CEP112: variants seen among roughly 807,000 people sequenced by gnomAD.
The protein encoded by CEP112 is centrosomal protein 112, also known as centrosomal protein of 112 kDa.
Under a neutral mutation model 153.0 loss-of-function variants are expected in CEP112, and 127 were observed. That is an observed-to-expected ratio of 0.83 (90% confidence interval 0.72 to 0.96). The LOEUF (loss-of-function observed/expected upper bound fraction) is 0.96, where lower values mean the gene tolerates loss of function less well. Among genes scored for constraint, CEP112 ranks in the 40% least tolerant of loss-of-function variants. The pLI is 0.00. For synonymous variants in CEP112, 358 were observed against 374.4 expected (o/e 0.96, Z 0.51); for missense variants, 1,089 against 1,101.2 (o/e 0.99, Z 0.16).
At chr17:65,801,126 T>C (rs2055247383) in intron 21 of CEP112, among the ~76,000 whole-genome samples, 1 of 152,140 alleles carries the variant, frequency 6.6e-6, no homozygotes, top group Non-Finnish European at 1.5e-5. Context: ...AGTGCGCTGG[T>C]GCACTCACTG....
At chr17:65,938,942 G>T (rs971069921) in intron 18 of CEP112, among the ~76,000 whole-genome samples, 1 of 152,050 alleles carries the variant, frequency 6.6e-6, no homozygotes, top group Admixed American at 6.5e-5. Flanking sequence ...CTCCTGAGTA[G>T]CTGGGATTAC....
intron 20 of CEP112, among the ~76,000 whole-genome samples, chr17:65,857,931 GGAT>G (rs1194263194): frequency 6.6e-6 from 1 of 152,168 alleles, no homozygotes; most frequent in African/African-American, 2.4e-5. Context: ...GATGGTTATA[GGAT>G]GATTCACATT....
intron 20 of CEP112, among the ~76,000 whole-genome samples, chr17:65,853,408 C>T (rs2058030005): frequency 6.6e-6 from 1 of 152,224 alleles, no homozygotes; most frequent in Non-Finnish European, 1.5e-5. Flanking sequence ...TCCAGCATCA[C>T]CTAATTTTAA....
intron 17 of CEP112, among the ~76,000 whole-genome samples, chr17:65,989,554 T>C (rs1596326): frequency 0.58 from 88,684 of 151,610 alleles, 27,324 homozygotes; most frequent in African/African-American, 0.72. Context: ...ATAAAGTCTT[T>C]CCCTGACAAA....
At chr17:66,181,811 A>G (rs1219164157) in intron 2 of CEP112, among the ~76,000 whole-genome samples, 1 of 152,250 alleles carries the variant, frequency 6.6e-6, no homozygotes, top group African/African-American at 2.4e-5. Flanking sequence ...ATATAAAAAT[A>G]TCATTAGATA....
chr17:66,188,584 G>GTTT (rs56059206), intron 1 of CEP112, among the ~76,000 whole-genome samples: 9 of 147,970 alleles, frequency 6.1e-5, no homozygotes, highest in African/African-American at 1.5e-4. Flanking sequence ...TTATCATGCT[G>GTTT]TTTTTTTTTT....
At chr17:66,181,347 A>C (rs2072711995) in intron 2 of CEP112, among the ~76,000 whole-genome samples, 1 of 152,002 alleles carries the variant, frequency 6.6e-6, no homozygotes, top group Non-Finnish European at 1.5e-5. Context: ...TATGTACCTA[A>C]CTTTTTTTTT....
intron 23 of CEP112, among the ~76,000 whole-genome samples, chr17:65,703,314 C>T (rs1182079113): frequency 6.6e-6 from 1 of 151,998 alleles, no homozygotes. Context: ...AGTTCAAGAC[C>T]AGCTTGGCCA....
chr17:65,757,945 C>T (rs1425677204), intron 21 of CEP112, among the ~76,000 whole-genome samples: 2 of 152,072 alleles, frequency 1.3e-5, no homozygotes, highest in African/African-American at 4.8e-5. Flanking sequence ...AATTTTTAAA[C>T]AACTACCAGC....
At chr17:66,065,030 A>G (rs1371216511) in intron 10 of CEP112, among the ~76,000 whole-genome samples, 1 of 152,222 alleles carries the variant, frequency 6.6e-6, no homozygotes, top group Non-Finnish European at 1.5e-5. Flanking sequence ...GGGGAGAGCC[A>G]GTAAGTTCCA....
intron 1 of CEP112, among the ~76,000 whole-genome samples, chr17:66,189,428 C>T (rs993275053): frequency 6.6e-5 from 10 of 151,220 alleles, no homozygotes; most frequent in Non-Finnish European, 8.8e-5. Context: ...CGCTTGAACC[C>T]GGGAGGCGGA....
At chr17:66,177,908 G>T (rs748937734) in intron 2 of CEP112, among the ~76,000 whole-genome samples, 4 of 152,082 alleles carry the variant, frequency 2.6e-5, no homozygotes, top group Middle Eastern at 3.2e-3. Context: ...ATCTTTTATG[G>T]CTGAATAGTA....
intron 21 of CEP112, among the ~76,000 whole-genome samples, chr17:65,752,723 G>A (rs1301047457): frequency 6.6e-6 from 1 of 152,174 alleles, no homozygotes; most frequent in Non-Finnish European, 1.5e-5. Flanking sequence ...GAAAGATCTT[G>A]CTGCTTCTAA....
chr17:66,141,477 C>T lies in CEP112; in HGVS notation c.471-8714G>A, dbSNP rs71379957. Among the ~76,000 whole-genome samples, 366 of 152,202 alleles carry T rather than the reference C, an allele frequency of 2.4e-3. 1 individual carries two copies. Among genetic ancestry groups the T allele is most frequent in the Non-Finnish European group, 4.0e-3 (271 of 68,006 alleles). ...TTAAGTGTACAGCACAGTATTGCAG[C>T]TATAATCACAGTGTTGTGCAGCAGA... On this transcript the variant is annotated intron_variant, in intron 4 of 26. Coordinates refer to ENST00000535342, the MANE Select transcript of CEP112 (RefSeq NM_001199165.4).
chr17:65,939,823 T>G (rs773254639), intron 18 of CEP112, among the ~76,000 whole-genome samples: 6 of 152,100 alleles, frequency 3.9e-5, no homozygotes, highest in Non-Finnish European at 8.8e-5. Context: ...CTGACATCAG[T>G]CTTAGCAAAG....
intron 17 of CEP112, among the ~76,000 whole-genome samples, chr17:65,969,776 G>A (rs1484921621): frequency 2.0e-5 from 3 of 152,122 alleles, no homozygotes; most frequent in Non-Finnish European, 2.9e-5. Flanking sequence ...AAATCACATA[G>A]ATGCATATTA....
chr17:66,087,117 T>C (rs534752197), intron 8 of CEP112, among the ~76,000 whole-genome samples: 115 of 152,308 alleles, frequency 7.6e-4, no homozygotes, highest in African/African-American at 2.6e-3. Context: ...CAATGATGCC[T>C]CAAATATTTT....
intron 23 of CEP112, among the ~76,000 whole-genome samples, chr17:65,742,374 T>C (rs993386838): frequency 6.6e-6 from 1 of 152,204 alleles, no homozygotes; most frequent in African/African-American, 2.4e-5. Context: ...TTAAACCTTA[T>C]TTATAAAGGT....
At chr17:65,758,115 A>C (rs559614220) in intron 21 of CEP112, among the ~76,000 whole-genome samples, 2 of 152,236 alleles carry the variant, frequency 1.3e-5, no homozygotes, top group African/African-American at 4.8e-5. Context: ...GGTACATGAC[A>C]CTGCCCTTGG....
Sources: gnomAD v4.1 joint callset for allele counts (sites outside exome capture counted in the v4.1 genomes callset) on GRCh38, gnomAD v4.1.1 for gene constraint, MANE v1.5 for transcripts, NCBI Gene and HGNC (gene_info 2026-07-23, HGNC 2026-07-21) for gene names.